NRCAM: variants seen among roughly 807,000 people sequenced by gnomAD.
NRCAM encodes the protein NgCAM-related cell adhesion molecule.
NRCAM carries 83 observed loss-of-function variants against 156.5 expected under a neutral mutation model. The observed-to-expected ratio is 0.53, with a 90% confidence interval of 0.44 to 0.64. The LOEUF (loss-of-function observed/expected upper bound fraction) is 0.64. NRCAM is among the 30% of genes least tolerant of loss of function. NRCAM has a pLI of 0.00. For missense variants in NRCAM, 1,417 were observed against 1,597.3 expected (o/e 0.89, Z 1.92); for synonymous variants, 538 against 563.9 (o/e 0.95, Z 0.65).
intron 1 of NRCAM, among the ~76,000 whole-genome samples, chr7:108,433,924 G>A (rs926928119): frequency 2.0e-5 from 3 of 152,120 alleles, no homozygotes; most frequent in Non-Finnish European, 4.4e-5. Context: ...CCATTCTGAC[G>A]AATGAGCCTT....
At chr7:108,354,072 A>G (rs993817969) in intron 2 of NRCAM, among the ~76,000 whole-genome samples, 23 of 152,244 alleles carry the variant, frequency 1.5e-4, no homozygotes, top group African/African-American at 4.3e-4. Context: ...TCACAGAATC[A>G]TCCAGCCACC....
At chr7:108,449,586 C>G (rs1311380448) in intron 1 of NRCAM, among the ~76,000 whole-genome samples, 5 of 152,226 alleles carry the variant, frequency 3.3e-5, no homozygotes, top group Non-Finnish European at 7.3e-5. Context: ...GCCACTCTTA[C>G]CTTAAGGCAT....
intron 3 of NRCAM, among the ~76,000 whole-genome samples, chr7:108,255,541 C>T (rs993348064): frequency 4.6e-5 from 7 of 152,322 alleles, no homozygotes; most frequent in Admixed American, 3.9e-4. Context: ...AGCAGCCTGC[C>T]TTGGCCTCCC....
intron 30 of NRCAM, among the ~76,000 whole-genome samples, 159 bp downstream of exon 30, chr7:108,166,762 C>G (rs1214792906): frequency 6.6e-6 from 1 of 151,998 alleles, no homozygotes; most frequent in East Asian, 1.9e-4. Flanking sequence ...ATATAAAGAA[C>G]CAAAGACAAA....
intron 2 of NRCAM, among the ~76,000 whole-genome samples, chr7:108,380,436 G>T (rs1374216300): frequency 1.3e-5 from 2 of 152,046 alleles, no homozygotes; most frequent in Admixed American, 1.3e-4. Context: ...TATTTGTTTT[G>T]CTGTTTCTAT....
chr7:108,305,414 T>C (rs1563190309), intron 3 of NRCAM, among the ~76,000 whole-genome samples: 1 of 152,136 alleles, frequency 6.6e-6, no homozygotes, highest in Non-Finnish European at 1.5e-5. Flanking sequence ...TCTCAGTTTT[T>C]TGTTTTTTTG....
intron 2 of NRCAM, among the ~76,000 whole-genome samples, chr7:108,339,810 T>C (rs1221660779): frequency 6.6e-6 from 1 of 152,080 alleles, no homozygotes; most frequent in Non-Finnish European, 1.5e-5. Flanking sequence ...AGATGGGAAA[T>C]GTTCCCCCTC....
At chr7:108,162,783 G>T (rs1020033432) in intron 30 of NRCAM, among the ~76,000 whole-genome samples, 1 of 152,188 alleles carries the variant, frequency 6.6e-6, no homozygotes, top group Non-Finnish European at 1.5e-5. Flanking sequence ...AGGTGCATGT[G>T]TGCACACACA....
intron 32 of NRCAM, among the ~76,000 whole-genome samples, chr7:108,155,408 A>G (rs987453863): frequency 1.3e-5 from 2 of 152,018 alleles, no homozygotes; most frequent in Middle Eastern, 3.2e-3. Context: ...TATTGATACA[A>G]TATCAAGTAT....
intron 1 of NRCAM, among the ~76,000 whole-genome samples, chr7:108,432,182 A>G (rs1054398683): frequency 6.6e-6 from 1 of 152,256 alleles, no homozygotes; most frequent in Non-Finnish European, 1.5e-5. Context: ...TCTTTATCCT[A>G]TGTCCACTAT....
intron 11 of NRCAM, among the ~76,000 whole-genome samples, chr7:108,218,722 A>T (rs2090848250): frequency 6.6e-6 from 1 of 152,294 alleles, no homozygotes; most frequent in East Asian, 1.9e-4. Context: ...TGCTAAGAGG[A>T]AAGTTCATAG....
chr7:108,194,034 T>G lies in NRCAM; in HGVS notation c.1768A>C (p.Ser590Arg). 6.2e-7 allele frequency: 1 copy of G among 1,613,574 alleles called. No individual in the cohort carries two copies. Among genetic ancestry groups the G allele is most frequent in the Non-Finnish European group, 8.5e-7 (1 of 1,179,816 alleles). ...LWLKDNRELP[S>R]DERFTVDKDH... ...ATCGTCTTCAAATACCTTTCATCAC[T>G]GGGCAGTTCCCTGTTGTCCTTCAGC... is the stretch of plus-strand genomic sequence containing the variant. Residue 590 changes from serine to arginine, a missense_variant, in exon 17 of 33, where the codon AGT becomes CGT. Physicochemically the swap from Ser to Arg is moderately radical, Grantham distance 110. Coordinates refer to ENST00000379028, the MANE Select transcript of NRCAM (RefSeq NM_001037132.4).
At chr7:108,392,849 G>T (rs2099764913) in intron 2 of NRCAM, among the ~76,000 whole-genome samples, 1 of 152,176 alleles carries the variant, frequency 6.6e-6, no homozygotes, top group Admixed American at 6.5e-5. Context: ...GACCCTGTTT[G>T]CCTGGGTATC....
chr7:108,289,342 C>G (rs1291177154), intron 3 of NRCAM, among the ~76,000 whole-genome samples: 1 of 152,116 alleles, frequency 6.6e-6, no homozygotes, highest in East Asian at 1.9e-4. Flanking sequence ...ATGGCTAAAT[C>G]AAGCAAATTA....
At chr7:108,175,793 T>C (rs1316934274) in intron 27 of NRCAM, among the ~76,000 whole-genome samples, 2 of 152,194 alleles carry the variant, frequency 1.3e-5, no homozygotes, top group Non-Finnish European at 2.9e-5. Context: ...TCATTGAATC[T>C]CAAGATTTCA....
At chr7:108,371,551 C>A (rs189459823) in intron 2 of NRCAM, among the ~76,000 whole-genome samples, 1 of 152,196 alleles carries the variant, frequency 6.6e-6, no homozygotes, top group East Asian at 1.9e-4. Flanking sequence ...GAAAAGTGTT[C>A]TCAAAAGTTT....
intron 32 of NRCAM, 22 bp downstream of exon 32, chr7:108,159,441 G>A: frequency 6.3e-7 from 1 of 1,598,166 alleles, no homozygotes; most frequent in Non-Finnish European, 8.6e-7. Flanking sequence ...AGAAGATGAA[G>A]AGCAGAGAAG....
chr7:108,287,377 CAGAGT>C (rs1233118191), intron 3 of NRCAM, among the ~76,000 whole-genome samples: 2 of 151,962 alleles, frequency 1.3e-5, no homozygotes, highest in Non-Finnish European at 2.9e-5. Context: ...AAATAATCAA[CAGAGT>C]AAACAGACAA....
chr7:108,444,291 G>A (rs940585242), intron 1 of NRCAM, among the ~76,000 whole-genome samples: 1 of 151,956 alleles, frequency 6.6e-6, no homozygotes, highest in African/African-American at 2.4e-5. Context: ...GGTGGTCTGA[G>A]AACCAATCTT....
Sources: gnomAD v4.1 joint callset for allele counts (sites outside exome capture counted in the v4.1 genomes callset) on GRCh38, gnomAD v4.1.1 for gene constraint, MANE v1.5 for transcripts, NCBI Gene and HGNC (gene_info 2026-07-23, HGNC 2026-07-21) for gene names.